MBD5: variants seen among roughly 807,000 people sequenced by gnomAD.
MBD5 encodes the protein methyl-CpG binding domain protein 5.
MBD5 carries 13 observed loss-of-function variants against 117.3 expected under a neutral mutation model. The ratio of observed to expected loss-of-function variants is 0.11; its 90% CI spans 0.07 to 0.18. MBD5 has a LOEUF of 0.18. Ranked by LOEUF, MBD5 falls within the 10% of genes least tolerant of loss-of-function variation. MBD5 has a pLI of 1.00. For missense variants in MBD5, 1,879 were observed against 2,093.8 expected, an observed-to-expected ratio of 0.90 and a Z score of 2.00; for synonymous variants, 727 against 766.4, an observed-to-expected ratio of 0.95 and a Z score of 0.85.
chr2:148,330,128 G>A (rs994025002), intron 3 of MBD5, among the ~76,000 whole-genome samples: 22 of 63,230 alleles, frequency 3.5e-4, no homozygotes, highest in African/African-American at 1.1e-3. Context: ...CTCTACCTTA[G>A]GCCAAAAAAG....
chr2:148,061,035 A>G (rs910616068), intron 1 of MBD5, among the ~76,000 whole-genome samples: 1 of 152,074 alleles, frequency 6.6e-6, no homozygotes, highest in Non-Finnish European at 1.5e-5. Context: ...TCCCAGAATG[A>G]CTCATTTTTT....
At position 148,358,633 on chromosome 2, in the gene MBD5, A is replaced by T. The variant is rs555621607; in HGVS notation, c.-557+16297A>T. ...ACTAAAAATACAAAAAAAAAAAAAA[A>T]AAAAGCTGGGTGTGGTGGTACACGC... is the stretch of plus-strand genomic sequence containing the variant. On this transcript the variant is annotated intron_variant, in intron 4 of 13. Transcript: ENST00000642680. Among the ~76,000 whole-genome samples the T allele has an allele frequency of 8.5e-4, 128 of 150,502 alleles. 2 individuals carry two copies. The East Asian group carries it at 0.02, about 24-fold the overall frequency.
At chr2:148,267,230 A>T (rs142536696) in intron 3 of MBD5, among the ~76,000 whole-genome samples, 143 of 152,242 alleles carry the variant, frequency 9.4e-4, no homozygotes, top group Non-Finnish European at 1.5e-3. Context: ...AATAAAACAG[A>T]CAAATAGATC....
Position 148,021,213 on chromosome 2 carries a change from T to C in MBD5, c.-1396T>C, listed in dbSNP as rs1007176706. Reference sequence around the variant, plus strand: ...CACTAATTCTACCCCACTTCAACCTTGAATTCAGGGGGGTGGGGGGAAGGC... The same window carrying C: ...CACTAATTCTACCCCACTTCAACCTCGAATTCAGGGGGGTGGGGGGAAGGC... On this transcript the variant is annotated 5_prime_UTR_variant, in exon 1 of 14. It removes the in-frame stop codon of an upstream open reading frame in the 5' UTR. Coordinates refer to ENST00000642680, the MANE Select transcript of MBD5 (RefSeq NM_001378120.1). 8.0e-6 allele frequency: 2 copies of C among 249,110 alleles called. No homozygotes were observed. Among genetic ancestry groups the C allele is most frequent in the South Asian group, 4.2e-5 (1 of 24,076 alleles). 15.4% of individuals were successfully genotyped at this position (249,110 alleles called of 1,614,324 possible). A position where few individuals can be genotyped will look rare whatever the true frequency, so the allele number is the denominator to read the frequency against.
chr2:148,285,120 C>A (rs1016272590), intron 3 of MBD5, among the ~76,000 whole-genome samples: 3 of 152,188 alleles, frequency 2.0e-5, no homozygotes, highest in African/African-American at 7.2e-5. Flanking sequence ...AAAATAAATA[C>A]TAAACAGAGG....
rs920776549 is a variant in MBD5 at position 148,346,017 on chromosome 2, G to A, written c.-557+3681G>A. On this transcript the variant is annotated intron_variant, in intron 4 of 13. Coordinates refer to ENST00000642680, the MANE Select transcript of MBD5 (RefSeq NM_001378120.1). ...ACTGACTCAAATGTTAATCTCTTTT[G>A]GCAGCACCCACACAGACACACCCAG... 5 of 151,740 alleles carry A rather than the reference G, an allele frequency of 3.3e-5. No individual in the cohort carries two copies. In the Admixed American group the frequency reaches 3.3e-4, roughly 10 times the overall value. 9.4% of individuals were successfully genotyped at this position (151,740 alleles called of 1,614,324 possible). A position where few individuals can be genotyped will look rare whatever the true frequency, so the allele number is the denominator to read the frequency against.
chr2:148,399,179 A>G (rs1035294087), intron 4 of MBD5, among the ~76,000 whole-genome samples: 3 of 152,172 alleles, frequency 2.0e-5, no homozygotes, highest in Non-Finnish European at 4.4e-5. Context: ...GTTTTTTCCA[A>G]TTCCATGAAG....
intron 1 of MBD5, among the ~76,000 whole-genome samples, chr2:148,148,966 T>TAA (rs1558946613): frequency 1.1e-4 from 17 of 152,198 alleles, no homozygotes; most frequent in Admixed American, 2.0e-4. Context: ...TACTTTAAGT[T>TAA]TTACGGTACA....
At chr2:148,153,390 A>C (rs1574073211) in intron 1 of MBD5, among the ~76,000 whole-genome samples, 1 of 149,116 alleles carries the variant, frequency 6.7e-6, no homozygotes, top group African/African-American at 2.5e-5. Flanking sequence ...CTTCATTTCA[A>C]CTTTGGTGAA....
chr2:148,272,702 G>T (rs1046156203), intron 3 of MBD5, among the ~76,000 whole-genome samples: 1 of 151,962 alleles, frequency 6.6e-6, no homozygotes, highest in African/African-American at 2.4e-5. Flanking sequence ...TTAATTGTAT[G>T]GTTCACATAT....
At chr2:148,322,515 A>C (rs1356089773) in intron 3 of MBD5, among the ~76,000 whole-genome samples, 1 of 152,164 alleles carries the variant, frequency 6.6e-6, no homozygotes, top group Non-Finnish European at 1.5e-5. Context: ...ATCTATCTTC[A>C]TATTCAGACT....
chr2:148,053,837 G>A (rs889244225), intron 1 of MBD5: 7 of 151,046 alleles, frequency 4.6e-5, no homozygotes, highest in Non-Finnish European at 1.0e-4. Context: ...TTGCTGTTAG[G>A]AATACTGATC....
intron 4 of MBD5, among the ~76,000 whole-genome samples, chr2:148,417,449 T>C (rs917843859): frequency 6.6e-6 from 1 of 152,084 alleles, no homozygotes; most frequent in East Asian, 1.9e-4. Context: ...GGTATAATGA[T>C]TTATTTTACT....
chr2:148,514,399 T>A lies in MBD5; in HGVS notation c.*1458T>A, dbSNP rs1310789383. On this transcript the variant is annotated 3_prime_UTR_variant, in exon 14 of 14. Coordinates refer to ENST00000642680, the MANE Select transcript of MBD5 (RefSeq NM_001378120.1). ...TTTGTGGTGGTGGTATTACCCTATC[T>A]TCCAGGCAGTTAAGCAAAGTTTAGG... is the stretch of plus-strand genomic sequence containing the variant. The A allele has an allele frequency of 6.6e-6, 1 of 152,240 alleles. No homozygotes were observed. Among genetic ancestry groups the A allele is most frequent in the Non-Finnish European group, 1.5e-5 (1 of 68,040 alleles). 9.4% of individuals were successfully genotyped at this position (152,240 alleles called of 1,614,324 possible). A position where few individuals can be genotyped will look rare whatever the true frequency, so the allele number is the denominator to read the frequency against.
chr2:148,447,591 G>GAGGCC (rs959426962), intron 4 of MBD5: 5 of 152,084 alleles, frequency 3.3e-5, no homozygotes, highest in Admixed American at 1.3e-4. Context: ...CATGCCTATA[G>GAGGCC]AGGCCAGGCT....
intron 2 of MBD5, among the ~76,000 whole-genome samples, chr2:148,226,266 T>A (rs1699817771): frequency 6.6e-6 from 1 of 151,932 alleles, no homozygotes; most frequent in South Asian, 2.1e-4. Flanking sequence ...CTCCCCTCTC[T>A]CCCCACCCAC....
intron 3 of MBD5, among the ~76,000 whole-genome samples, chr2:148,266,562 A>T (rs190025898): frequency 6.2e-4 from 95 of 152,190 alleles, no homozygotes; most frequent in Non-Finnish European, 1.1e-3. Flanking sequence ...GAGAAATAAA[A>T]AGATTGACTA....
At chr2:148,510,864 C>T (rs1193661798) in intron 13 of MBD5, among the ~76,000 whole-genome samples, 1 of 152,092 alleles carries the variant, frequency 6.6e-6, no homozygotes, top group Non-Finnish European at 1.5e-5. Context: ...CATTAAATTT[C>T]CTGATAAAAT....
At chr2:148,386,808 A>C (rs1704385527) in intron 4 of MBD5, among the ~76,000 whole-genome samples, 1 of 152,128 alleles carries the variant, frequency 6.6e-6, no homozygotes, top group African/African-American at 2.4e-5. Flanking sequence ...TGTGAAATCT[A>C]AGATGAACTG....
Sources: allele counts gnomAD v4.1 joint callset (sites outside exome capture counted in the v4.1 genomes callset), GRCh38; gene constraint gnomAD v4.1.1; transcripts MANE v1.5; gene names NCBI Gene and HGNC (gene_info 2026-07-23, HGNC 2026-07-21).